CCDC187: variants seen among roughly 807,000 people sequenced by gnomAD.
CCDC187 encodes the protein coiled-coil domain containing 187.
In CCDC187, 32 loss-of-function variants were observed where a neutral mutation model predicts 38.0. The observed-to-expected ratio is 0.84, with a 90% CI of 0.64 to 1.13. The LOEUF is 1.13. CCDC187 is among the 50% of genes most tolerant of loss of function. The pLI is 0.00. For synonymous variants in CCDC187, 333 were observed against 347.9 expected (o/e 0.96, Z 0.48); for missense variants, 707 against 786.8 (o/e 0.90, Z 1.21).
upstream of CCDC187, among the ~76,000 whole-genome samples, chr9:136,305,919 C>G (rs1433722869): frequency 2.0e-5 from 3 of 152,230 alleles, no homozygotes; most frequent in Non-Finnish European, 4.4e-5. Flanking sequence ...AGACGCAGCT[C>G]TGAATCAGGA....
At chr9:136,267,292 G>A (rs113143378) in intron 16 of CCDC187, 92 bp downstream of exon 16, 11,720 of 899,228 alleles carry the variant, frequency 0.013, 120 homozygotes, top group South Asian at 0.033. Flanking sequence ...GGACCCGGAC[G>A]GGGCAGGGAG....
At chr9:136,267,830 T>C in intron 15 of CCDC187, 1 of 983,084 alleles carries the variant, frequency 1.0e-6, no homozygotes, top group South Asian at 4.7e-5. Context: ...CAAAGCACCA[T>C]GTTGAAATGC....
rs369763350 is a variant in CCDC187 at position 136,256,047 on chromosome 9, G to T, written c.4616+164C>A. On this transcript the variant is annotated intron_variant, in intron 24 of 25. Transcript: ENST00000638797. ...GGTGACATTTTTATTTCCAAAAGTG[G>T]GTCAGACCCAGGAGGGCTCAGGGTG... Among the ~76,000 whole-genome samples, 13 of 152,302 alleles carry T rather than the reference G, an allele frequency of 8.5e-5. No homozygotes were observed. The East Asian group carries it at 9.6e-4, about 11-fold the overall frequency.
At chr9:136,284,639 G>A (rs1162130644) in intron 9 of CCDC187, among the ~76,000 whole-genome samples, 1 of 152,010 alleles carries the variant, frequency 6.6e-6, no homozygotes, top group Non-Finnish European at 1.5e-5. Flanking sequence ...GGAGGCCCTG[G>A]ACAGGGATCC....
At position 136,264,091 on chromosome 9, in the gene CCDC187, C is replaced by T. The variant is rs1830712243; in HGVS notation, c.3736-293G>A. The T allele has an allele frequency of 6.6e-6, 1 of 152,484 alleles. No homozygotes were observed. Among genetic ancestry groups the T allele is most frequent in the Admixed American group, 6.5e-5 (1 of 15,292 alleles). 9.4% of individuals were successfully genotyped at this position (152,484 alleles called of 1,614,324 possible). A position where few individuals can be genotyped will look rare whatever the true frequency, so the allele number is the denominator to read the frequency against. On this transcript the variant is annotated intron_variant, in intron 17 of 25. Coordinates refer to ENST00000638797, the MANE Select transcript of CCDC187 (RefSeq NM_001378188.1). The surrounding 1 kb of genome is among the most constrained non-coding windows in gnomAD (Gnocchi z 4.3). Reference sequence around the variant, plus strand: ...AGGCTGGCTGGGCCTCGCCCTCCCTCTCTGCAGGCTCCAGGCACTGCCCCC... The same window carrying T: ...AGGCTGGCTGGGCCTCGCCCTCCCTTTCTGCAGGCTCCAGGCACTGCCCCC...
At chr9:136,261,391 T>C (rs1437863911) in intron 19 of CCDC187, among the ~76,000 whole-genome samples, 3 of 152,156 alleles carry the variant, frequency 2.0e-5, no homozygotes, top group African/African-American at 4.8e-5. Context: ...ACATCGCTGG[T>C]GTGACAAGCC....
rs1051671381 is a variant in CCDC187 at position 136,260,238 on chromosome 9, G to A, written c.4091C>T (p.Thr1364Met). 4 of 985,152 alleles carry A rather than the reference G, an allele frequency of 4.1e-6. No individual in the cohort carries two copies. Among genetic ancestry groups the A allele is most frequent in the South Asian group, 4.7e-5 (1 of 21,262 alleles). The allele number at this position is 985,152 out of a possible 1,614,324, so 61.0% of individuals were successfully genotyped here. The change falls in exon 20 of 26, where the codon ACG becomes ATG. Residue 1364 changes from threonine to methionine, a missense_variant. By Grantham distance (81) the Thr-to-Met change is moderately conservative. Coordinates refer to ENST00000638797, the MANE Select transcript of CCDC187 (RefSeq NM_001378188.1). ...TRPPTEQQDV[T>M]PPQTTSDADG... is the part of the protein sequence containing the mutation. ...TGCATCGGAGGTTGTCTGGGGTGGC[G>A]TCACATCCTGCTGCTCAGTGGGAGG...
rs893498290 is a variant in CCDC187 at position 136,291,185 on chromosome 9, C to T, written c.1428G>A (p.Pro476=). Residue 476 remains proline (P), a synonymous_variant, in exon 6 of 26, where the codon CCG becomes CCA. Transcript: ENST00000638797. Reference sequence around the variant, plus strand: ...GGCCCAACCTCTCATGGGGACTCTCCGGCCTCTGGAAGGAGCGGTCCTGTC... The same window carrying T: ...GGCCCAACCTCTCATGGGGACTCTCTGGCCTCTGGAAGGAGCGGTCCTGTC... The part of the protein sequence containing the change: ...AQGQDRSFQR[P]ESPHERLGHF... 949 of 398,492 alleles carry T rather than the reference C, an allele frequency of 2.4e-3. 5 individuals are homozygous for T. Among genetic ancestry groups the T allele is most frequent in the African/African-American group, 0.017 (846 of 48,658 alleles). 24.7% of individuals were successfully genotyped at this position (398,492 alleles called of 1,614,324 possible).
chr9:136,250,674 T>C lies in CCDC187; in HGVS notation c.*2920A>G. The C allele has an allele frequency of 2.2e-6, 1 of 451,606 alleles. No individual in the cohort carries two copies. The highest frequency in any genetic ancestry group is 4.5e-6 in the Non-Finnish European group (1 of 223,724). The allele number at this position is 451,606 out of a possible 1,614,324, so 28.0% of individuals were successfully genotyped here. The stretch of plus-strand genomic sequence containing the variant: ...GAGCAGGAACACATTCCCCACTGGA[T>C]CCAAACATCTGCATTCTCAGGTGGG... On this transcript the variant is annotated 3_prime_UTR_variant, in exon 26 of 26. Transcript: ENST00000638797.
chr9:136,305,215 C>T (rs1831781608), upstream of CCDC187, among the ~76,000 whole-genome samples: 1 of 152,260 alleles, frequency 6.6e-6, no homozygotes, highest in African/African-American at 2.4e-5. Flanking sequence ...ACCCTCCTAG[C>T]GCCAGGGCAT....
chr9:136,266,771 T>C (rs1276331806), intron 16 of CCDC187: 4 of 152,276 alleles, frequency 2.6e-5, no homozygotes, highest in African/African-American at 4.8e-5. Flanking sequence ...GAAATAGCCA[T>C]GTGTGTTTCT....
intron 10 of CCDC187, among the ~76,000 whole-genome samples, chr9:136,277,926 C>T (rs1830964727): frequency 6.6e-6 from 1 of 152,192 alleles, no homozygotes; most frequent in Non-Finnish European, 1.5e-5. Flanking sequence ...CGGAGCAGCT[C>T]AGCCATGAAC....
Position 136,302,421 on chromosome 9 carries a change from G to A in CCDC187, c.625+391C>T, listed in dbSNP as rs959407415. On this transcript the variant is annotated intron_variant, in intron 2 of 25. Coordinates refer to ENST00000638797, the MANE Select transcript of CCDC187 (RefSeq NM_001378188.1). ...TGTCCCTGCAGGAGGGAAGCTGCCA[G>A]ACTTTCCAAATCCCAGGCTGACTTT... Among the ~76,000 whole-genome samples the A allele has an allele frequency of 2.7e-5, 4 of 146,674 alleles. No homozygotes were observed. In the Admixed American group the frequency reaches 2.8e-4, roughly 10 times the overall value.
At chr9:136,285,286 G>T (rs932668042) in intron 9 of CCDC187, among the ~76,000 whole-genome samples, 102 of 152,162 alleles carry the variant, frequency 6.7e-4, no homozygotes, top group Non-Finnish European at 1.3e-3. Context: ...TTCGTGGGGG[G>T]AGTGTCTGAC....
chr9:136,260,096 C>G, intron 20 of CCDC187, 23 bp downstream of exon 20: 5 of 985,410 alleles, frequency 5.1e-6, no homozygotes, highest in Non-Finnish European at 6.0e-6. Flanking sequence ...TGACCCTGGG[C>G]GGTCGCCGCG....
rs568407019 is a variant in CCDC187, at chr9:136,257,844, G to C, written c.4367-1003C>G. ...CGTCACCCAGGGAGCCCCTGCAAGC[G>C]CAGTCTTTTGATCAGAGAGCGGCCG... On this transcript the variant is annotated intron_variant, in intron 22 of 25. Coordinates refer to ENST00000638797, the MANE Select transcript of CCDC187 (RefSeq NM_001378188.1). The surrounding 1 kb of genome is among the most constrained non-coding windows in gnomAD (Gnocchi z 4.5). Among the ~76,000 whole-genome samples the C allele has an allele frequency of 6.6e-6, 1 of 152,258 alleles. No homozygotes were observed. The highest frequency in any genetic ancestry group is 1.9e-4 in the East Asian group (1 of 5,162).
At chr9:136,285,721 G>A (rs1831163241) in intron 8 of CCDC187, 115 bp from the exon 9 acceptor site, 2 of 397,720 alleles carry the variant, frequency 5.0e-6, no homozygotes, top group African/African-American at 2.1e-5. Flanking sequence ...GGGTGGGGGT[G>A]TGGCAGCCTC....
chr9:136,291,932 G>T (rs929500960), intron 5 of CCDC187, among the ~76,000 whole-genome samples: 3 of 152,230 alleles, frequency 2.0e-5, no homozygotes, highest in East Asian at 3.9e-4. Flanking sequence ...GGGAACTGGC[G>T]ATGGAGCCTC....
intron 14 of CCDC187, 74 bp downstream of exon 14, chr9:136,274,584 C>T (rs115996773): frequency 6.6e-6 from 1 of 152,638 alleles, no homozygotes; most frequent in South Asian, 2.1e-4. Flanking sequence ...CCTCGGGTCC[C>T]CCCTCTCGGG....
Sources: allele counts gnomAD v4.1 joint callset (sites outside exome capture counted in the v4.1 genomes callset), GRCh38; gene constraint gnomAD v4.1.1; non-coding constraint Gnocchi (gnomAD v3.1); transcripts MANE v1.5; gene names NCBI Gene and HGNC (gene_info 2026-07-23, HGNC 2026-07-21).